TANK: variants seen among roughly 807,000 people sequenced by gnomAD.
TANK encodes the protein TRAF family member-associated NF-kappa-B activator.
TANK carries 15 observed loss-of-function variants against 43.6 expected under a neutral mutation model. The observed-to-expected ratio is 0.34, with a 90% CI of 0.23 to 0.53. The LOEUF is 0.53. Ranked by LOEUF, TANK falls within the 20% of genes least tolerant of loss-of-function variation. The pLI is 0.94. For synonymous variants in TANK, 162 were observed against 178.2 expected (o/e 0.91, Z 0.73); for missense variants, 417 against 498.6 (o/e 0.84, Z 1.56).
chr2:161,217,635 CAA>C (rs1687177734), intron 4 of TANK, among the ~76,000 whole-genome samples: 1 of 119,706 alleles, frequency 8.4e-6, no homozygotes, highest in Admixed American at 8.7e-5. Context: ...GTGTGTTGTC[CAA>C]AGTTTGTAAC....
Position 161,224,753 on chromosome 2 carries a change from T to G in TANK, c.520+7T>G, listed in dbSNP as rs1375001305. ...ATACCAGACACTGCAACTGGTAAGA[T>G]TTAATTTAATTTACAGTAATATTGA... On this transcript the variant is annotated splice_region_variant and intron_variant, in intron 6 of 7. Coordinates refer to ENST00000392749, the MANE Select transcript of TANK (RefSeq NM_001199135.3). 2 of 1,429,586 alleles carry G rather than the reference T, an allele frequency of 1.4e-6. No individual in the cohort carries two copies. The highest frequency in any genetic ancestry group is 1.9e-6 in the Non-Finnish European group (2 of 1,050,302). 88.6% of individuals were successfully genotyped at this position (1,429,586 alleles called of 1,614,324 possible).
intron 4 of TANK, among the ~76,000 whole-genome samples, chr2:161,210,051 G>A (rs1354350907): frequency 6.6e-6 from 1 of 152,162 alleles, no homozygotes; most frequent in Non-Finnish European, 1.5e-5. Flanking sequence ...GACGAGTGCA[G>A]TTACTGAAAG....
At chr2:161,218,389 C>A (rs1304636973) in intron 4 of TANK, among the ~76,000 whole-genome samples, 1 of 152,198 alleles carries the variant, frequency 6.6e-6, no homozygotes, top group Non-Finnish European at 1.5e-5. Context: ...TCTCCAGCAG[C>A]CAAGCATTAT....
intron 1 of TANK, among the ~76,000 whole-genome samples, chr2:161,174,936 A>G (rs1447900272): frequency 6.6e-6 from 1 of 152,168 alleles, no homozygotes; most frequent in Non-Finnish European, 1.5e-5. Context: ...ACCTGTTTGA[A>G]AAAGGATGAC....
chr2:161,143,742 C>T (rs1267061), intron 1 of TANK, among the ~76,000 whole-genome samples: 152,339 of 152,342 alleles, frequency 1, 76,168 homozygotes, highest in Non-Finnish European at 1. Context: ...GATTTTTGCA[C>T]TGATGTTCAT....
intron 4 of TANK, among the ~76,000 whole-genome samples, chr2:161,218,888 G>A (rs1024728583): frequency 6.6e-6 from 1 of 152,068 alleles, no homozygotes; most frequent in African/African-American, 2.4e-5. Context: ...AGCCTCCCTA[G>A]TAGTTGGGAT....
chr2:161,190,952 A>G (rs1011380712), intron 2 of TANK, among the ~76,000 whole-genome samples: 1 of 151,998 alleles, frequency 6.6e-6, no homozygotes, highest in Admixed American at 6.6e-5. Flanking sequence ...ACTCTATTAC[A>G]AAAAAAAGAA....
chr2:161,165,735 T>A (rs1684649480), intron 1 of TANK, among the ~76,000 whole-genome samples: 1 of 152,222 alleles, frequency 6.6e-6, no homozygotes, highest in Non-Finnish European at 1.5e-5. Flanking sequence ...AGATTTTTAA[T>A]ATTAACTATT....
Position 161,224,628 on chromosome 2 carries a change from T to G in TANK, c.405-3T>G. 7.2e-7 allele frequency: 1 copy of G among 1,393,400 alleles called. No homozygotes were observed. Among genetic ancestry groups the G allele is most frequent in the Non-Finnish European group, 9.7e-7 (1 of 1,032,066 alleles). The allele number at this position is 1,393,400 out of a possible 1,614,324, so 86.3% of individuals were successfully genotyped here. A position where few individuals can be genotyped will look rare whatever the true frequency, so the allele number is the denominator to read the frequency against. On this transcript the variant is annotated splice_region_variant and splice_polypyrimidine_tract_variant and intron_variant, in intron 5 of 7. Coordinates refer to ENST00000392749, the MANE Select transcript of TANK (RefSeq NM_001199135.3). ...ATTTTAAAATGTTGATTTTTTTTTT[T>G]AGGGGTAATATAGAGAAGACTTTCT...
chr2:161,217,382 C>T (rs1309324461), intron 4 of TANK, among the ~76,000 whole-genome samples: 8 of 152,094 alleles, frequency 5.3e-5, no homozygotes, highest in African/African-American at 1.4e-4. Flanking sequence ...TCTCATTCTC[C>T]TTCTTGGTTC....
At chr2:161,153,927 C>A (rs1684150088) in intron 1 of TANK, among the ~76,000 whole-genome samples, 1 of 152,140 alleles carries the variant, frequency 6.6e-6, no homozygotes, top group South Asian at 2.1e-4. Context: ...AACTTTAACA[C>A]AGAACTCTCA....
intron 2 of TANK, among the ~76,000 whole-genome samples, chr2:161,191,277 A>G (rs1015559537): frequency 6.6e-6 from 1 of 152,052 alleles, no homozygotes; most frequent in Non-Finnish European, 1.5e-5. Flanking sequence ...AAAGCACCAC[A>G]TGCTTATTTT....
chr2:161,218,981 A>C (rs933037035), intron 4 of TANK, among the ~76,000 whole-genome samples: 5 of 151,708 alleles, frequency 3.3e-5, no homozygotes, highest in African/African-American at 9.7e-5. Context: ...GAGTGTGAGA[A>C]ATCTTAATTA....
In TANK at chr2:161,231,021, G is replaced by C; in HGVS notation, c.571G>C (p.Glu191Gln). 2 of 1,614,068 alleles carry C rather than the reference G, an allele frequency of 1.2e-6. No homozygotes were observed. Among genetic ancestry groups the C allele is most frequent in the East Asian group, 4.5e-5 (2 of 44,876 alleles). The change falls in exon 7 of 8, where the codon GAA becomes CAA. Residue 191 changes from glutamate (E) to glutamine (Q), a missense_variant. Physicochemically the swap from Glu to Gln is conservative, Grantham distance 29. Coordinates refer to ENST00000392749, the MANE Select transcript of TANK (RefSeq NM_001199135.3). ...GTGTACGGATAAAACAGATAAACAA[G>C]AAGCGCTGTTTAAGCCTCAGGCTAA... ...IQCTDKTDKQ[E>Q]ALFKPQAKDD...
chr2:161,184,174 C>T (rs1056484859), intron 2 of TANK, among the ~76,000 whole-genome samples: 1 of 152,088 alleles, frequency 6.6e-6, no homozygotes, highest in African/African-American at 2.4e-5. Context: ...GGAAAAGAAC[C>T]TGTAAAGGTA....
At chr2:161,171,118 A>G (rs139264559) in intron 1 of TANK, among the ~76,000 whole-genome samples, 77 of 152,298 alleles carry the variant, frequency 5.1e-4, no homozygotes, top group African/African-American at 1.8e-3. Context: ...CTGAATATTC[A>G]TATTTGAGGT....
chr2:161,142,803 G>T (rs1045850250), intron 1 of TANK, among the ~76,000 whole-genome samples: 11 of 152,184 alleles, frequency 7.2e-5, no homozygotes, highest in Admixed American at 5.9e-4. Flanking sequence ...TGGCTATATG[G>T]ACTCTTTTGG....
chr2:161,137,709 C>T (rs1187083014), intron 1 of TANK, among the ~76,000 whole-genome samples: 2 of 152,128 alleles, frequency 1.3e-5, no homozygotes, highest in Admixed American at 6.5e-5. Context: ...CATGGTGGCT[C>T]ACTCCTGTAA....
At chr2:161,141,306 C>A (rs1443479260) in intron 1 of TANK, among the ~76,000 whole-genome samples, 2 of 152,072 alleles carry the variant, frequency 1.3e-5, no homozygotes, top group East Asian at 3.8e-4. Flanking sequence ...ATAAGTGAAA[C>A]CAGACAGTGT....
Sources: gnomAD v4.1 joint callset for allele counts (sites outside exome capture counted in the v4.1 genomes callset) on GRCh38, gnomAD v4.1.1 for gene constraint, MANE v1.5 for transcripts, NCBI Gene and HGNC (gene_info 2026-07-23, HGNC 2026-07-21) for gene names.